The following ST6GALNAC5 variants were observed in gnomAD, a reference collection of about 807,000 sequenced individuals.
The protein encoded by ST6GALNAC5 is alpha-N-acetylgalactosaminide alpha-2,6-sialyltransferase 5.
Under a neutral mutation model 33.6 loss-of-function variants are expected in ST6GALNAC5, and 27 were observed. The ratio of observed to expected loss-of-function variants is 0.80; its 90% CI spans 0.59 to 1.11. The LOEUF (loss-of-function observed/expected upper bound fraction) is 1.11. Among genes scored for constraint, ST6GALNAC5 ranks in the 50% least tolerant of loss-of-function variants. The probability of loss-of-function intolerance (pLI) is 0.00; values close to 1 mark genes in which losing one functional copy is unlikely to be tolerated. For synonymous variants in ST6GALNAC5, 194 were observed against 171.2 expected, an observed-to-expected ratio of 1.13 and a Z score of -1.04; for missense variants, 428 against 454.0, an observed-to-expected ratio of 0.94 and a Z score of 0.52.
At chr1:77,034,358 G>A (rs1651573723) in intron 2 of ST6GALNAC5, among the ~76,000 whole-genome samples, 1 of 151,950 alleles carries the variant, frequency 6.6e-6, no homozygotes, top group African/African-American at 2.4e-5. Context: ...CTTCACCGGT[G>A]ACTGGATTGA....
intron 2 of ST6GALNAC5, among the ~76,000 whole-genome samples, chr1:77,037,712 TAA>T (rs1651697521): frequency 6.6e-6 from 1 of 152,050 alleles, no homozygotes; most frequent in Non-Finnish European, 1.5e-5. Flanking sequence ...AACAGAAATA[TAA>T]AAGATAGAAT....
chr1:76,917,638 A>G (rs1646989064), intron 2 of ST6GALNAC5, among the ~76,000 whole-genome samples: 1 of 151,258 alleles, frequency 6.6e-6, no homozygotes, highest in Non-Finnish European at 1.5e-5. Flanking sequence ...GGCATTATAA[A>G]TAAATAAATA....
At chr1:77,041,020 C>T (rs531126814) in intron 2 of ST6GALNAC5, among the ~76,000 whole-genome samples, 1 of 152,344 alleles carries the variant, frequency 6.6e-6, no homozygotes, top group East Asian at 1.9e-4. Flanking sequence ...GCTGTGGTCT[C>T]TACTTCCTCA....
At chr1:76,912,546 T>A (rs927277309) in intron 2 of ST6GALNAC5, among the ~76,000 whole-genome samples, 2 of 151,792 alleles carry the variant, frequency 1.3e-5, no homozygotes, top group Non-Finnish European at 2.9e-5. Context: ...CCATTATTAT[T>A]GTGTGGGAGT....
chr1:76,940,033 T>C (rs932361306), intron 2 of ST6GALNAC5, among the ~76,000 whole-genome samples: 14 of 152,110 alleles, frequency 9.2e-5, no homozygotes, highest in African/African-American at 3.1e-4. Context: ...AATCATAAGA[T>C]TGGCACTTAC....
At chr1:77,004,377 C>T (rs1650305584) in intron 2 of ST6GALNAC5, among the ~76,000 whole-genome samples, 1 of 147,496 alleles carries the variant, frequency 6.8e-6, no homozygotes, top group African/African-American at 2.4e-5. Context: ...ATTGGTTATT[C>T]TAGTTATACA....
At chr1:76,982,769 C>T (rs1426299942) in intron 2 of ST6GALNAC5, among the ~76,000 whole-genome samples, 2 of 152,088 alleles carry the variant, frequency 1.3e-5, no homozygotes, top group Non-Finnish European at 2.9e-5. Flanking sequence ...AAAGAAAGGT[C>T]GGGTTACCCA....
At chr1:76,939,874 T>A (rs1385730429) in intron 2 of ST6GALNAC5, among the ~76,000 whole-genome samples, 1 of 152,130 alleles carries the variant, frequency 6.6e-6, no homozygotes, top group Non-Finnish European at 1.5e-5. Context: ...TCACAATGGC[T>A]GCCTCCTAGC....
At chr1:76,935,286 T>C (rs1647189288) in intron 2 of ST6GALNAC5, among the ~76,000 whole-genome samples, 1 of 152,112 alleles carries the variant, frequency 6.6e-6, no homozygotes, top group African/African-American at 2.4e-5. Flanking sequence ...AGGAAAGTAA[T>C]ACAATGTCTG....
At chr1:76,883,577 T>A (rs554615544) in intron 2 of ST6GALNAC5, among the ~76,000 whole-genome samples, 30 of 152,150 alleles carry the variant, frequency 2.0e-4, no homozygotes, top group Non-Finnish European at 3.5e-4. Flanking sequence ...CAGAGCAACA[T>A]CTCCTGACCT....
At chr1:76,949,028 T>A (rs1340738907) in intron 2 of ST6GALNAC5, among the ~76,000 whole-genome samples, 1 of 152,104 alleles carries the variant, frequency 6.6e-6, no homozygotes, top group Non-Finnish European at 1.5e-5. Context: ...GCTGGTGTCA[T>A]CCAAATACTG....
chr1:77,056,785 T>C (rs1652413841), intron 4 of ST6GALNAC5, among the ~76,000 whole-genome samples: 1 of 152,192 alleles, frequency 6.6e-6, no homozygotes, highest in Non-Finnish European at 1.5e-5. Context: ...ACTGTGGCTC[T>C]TTGTCCCATG....
In ST6GALNAC5 at chr1:76,867,625, G is replaced by C; in HGVS notation, c.-51G>C. 1 of 1,614,138 alleles carries C rather than the reference G, an allele frequency of 6.2e-7. No individual in the cohort carries two copies. Among genetic ancestry groups the C allele is most frequent in the Non-Finnish European group, 8.5e-7 (1 of 1,180,006 alleles). On this transcript the variant is annotated 5_prime_UTR_variant, in exon 1 of 5. Transcript: ENST00000477717. ...CATCATGGAAACCCTCCAGGAAAAA[G>C]TGGCCCCGGACGCGCGAGCCTGAGG...
intron 2 of ST6GALNAC5, among the ~76,000 whole-genome samples, chr1:76,947,370 A>G (rs1451165375): frequency 6.6e-6 from 1 of 152,144 alleles, no homozygotes; most frequent in Non-Finnish European, 1.5e-5. Context: ...TTGGAAGTTT[A>G]TCATTCAAAC....
chr1:76,943,338 C>A (rs1289448927), intron 2 of ST6GALNAC5, among the ~76,000 whole-genome samples: 1 of 152,122 alleles, frequency 6.6e-6, no homozygotes. Flanking sequence ...ACTGCCATCA[C>A]AGAATCAGAT....
At chr1:76,951,857 T>C (rs1345121314) in intron 2 of ST6GALNAC5, among the ~76,000 whole-genome samples, 2 of 152,156 alleles carry the variant, frequency 1.3e-5, no homozygotes, top group Non-Finnish European at 1.5e-5. Context: ...TGGGTGCAAC[T>C]GATGAATGAA....
chr1:77,047,895 A>G (rs911803844), intron 3 of ST6GALNAC5, among the ~76,000 whole-genome samples: 7 of 152,200 alleles, frequency 4.6e-5, no homozygotes, highest in African/African-American at 1.7e-4. Flanking sequence ...AGCACATGAC[A>G]GCTCTTCATA....
chr1:76,923,476 T>G (rs866167745), intron 2 of ST6GALNAC5, among the ~76,000 whole-genome samples: 10 of 152,000 alleles, frequency 6.6e-5, no homozygotes, highest in Non-Finnish European at 1.2e-4. Flanking sequence ...GTGGATCACT[T>G]GAGGTCAGGA....
intron 2 of ST6GALNAC5, among the ~76,000 whole-genome samples, chr1:76,886,277 C>A (rs1036275426): frequency 6.6e-6 from 1 of 152,268 alleles, no homozygotes; most frequent in African/African-American, 2.4e-5. Context: ...ACCCAACTTA[C>A]TGAATTCTAT....
Sources: gnomAD v4.1 joint callset for allele counts (sites outside exome capture counted in the v4.1 genomes callset) on GRCh38, gnomAD v4.1.1 for gene constraint, MANE v1.5 for transcripts, NCBI Gene and HGNC (gene_info 2026-07-23, HGNC 2026-07-21) for gene names.